Variants in MDGA2 observed in about 807,000 individuals in gnomAD.
MDGA2 encodes MAM domain containing glycosylphosphatidylinositol anchor 2.
A neutral mutation model predicts 117.8 loss-of-function variants in MDGA2; 40 were observed. The ratio of observed to expected loss-of-function variants is 0.34; its 90% CI spans 0.26 to 0.44. MDGA2 has a LOEUF of 0.44. Among genes scored for constraint, MDGA2 ranks in the 20% least tolerant of loss-of-function variants. The pLI is 1.00. For missense variants in MDGA2, 1,123 were observed against 1,250.6 expected, an observed-to-expected ratio of 0.90 and a Z score of 1.54; for synonymous variants, 452 against 439.0, an observed-to-expected ratio of 1.03 and a Z score of -0.37.
At chr14:46,948,831 T>A (rs184676275) in intron 9 of MDGA2, among the ~76,000 whole-genome samples, 2 of 152,124 alleles carry the variant, frequency 1.3e-5, no homozygotes, top group East Asian at 3.9e-4. Context: ...ACTGGCCTCA[T>A]TGGTTCCAGC....
chr14:47,373,313 T>C (rs189777436), intron 1 of MDGA2, among the ~76,000 whole-genome samples: 44 of 152,186 alleles, frequency 2.9e-4, no homozygotes, highest in African/African-American at 9.6e-4. Context: ...TAAAAATATC[T>C]GTGATCCTAG....
intron 1 of MDGA2, among the ~76,000 whole-genome samples, chr14:47,384,440 C>T (rs905569446): frequency 3.3e-5 from 5 of 151,988 alleles, no homozygotes; most frequent in Admixed American, 3.3e-4. Context: ...CAGCAGTTTT[C>T]CAGGATCATT....
intron 7 of MDGA2, among the ~76,000 whole-genome samples, chr14:47,047,763 G>A (rs1196653000): frequency 1.3e-5 from 2 of 151,704 alleles, no homozygotes; most frequent in African/African-American, 4.8e-5. Flanking sequence ...GATGTCTCGA[G>A]TACTGAGGAT....
chr14:47,458,570 C>T (rs1358297992), intron 1 of MDGA2, among the ~76,000 whole-genome samples: 2 of 152,044 alleles, frequency 1.3e-5, no homozygotes, highest in African/African-American at 4.8e-5. Context: ...TGAGTAAGTT[C>T]TGAAGATCTA....
At chr14:47,432,808 A>G (rs1381358258) in intron 1 of MDGA2, among the ~76,000 whole-genome samples, 2 of 152,164 alleles carry the variant, frequency 1.3e-5, no homozygotes, top group African/African-American at 4.8e-5. Flanking sequence ...AGTTTGAAAC[A>G]ATCATCTTTA....
intron 1 of MDGA2, among the ~76,000 whole-genome samples, chr14:47,493,965 G>A (rs1894226503): frequency 2.6e-5 from 4 of 152,186 alleles, no homozygotes; most frequent in Admixed American, 2.0e-4. Context: ...GTTGGAGGAG[G>A]GACCTCGTGA....
intron 1 of MDGA2, among the ~76,000 whole-genome samples, chr14:47,499,487 T>G (rs886565388): frequency 6.6e-6 from 1 of 152,180 alleles, no homozygotes; most frequent in Non-Finnish European, 1.5e-5. Context: ...ACATAAACAC[T>G]GTTATTCCCT....
intron 1 of MDGA2, among the ~76,000 whole-genome samples, chr14:47,650,132 G>A (rs1014569763): frequency 6.6e-6 from 1 of 152,104 alleles, no homozygotes; most frequent in Non-Finnish European, 1.5e-5. Context: ...AAATAAAGGG[G>A]AATTCCTCCT....
At chr14:46,945,291 C>T (rs1885132972) in intron 9 of MDGA2, among the ~76,000 whole-genome samples, 2 of 152,060 alleles carry the variant, frequency 1.3e-5, no homozygotes, top group African/African-American at 2.4e-5. Context: ...TGGTGTTAGT[C>T]TTTGTTAAGG....
chr14:47,089,866 G>A (rs200676728), intron 6 of MDGA2, among the ~76,000 whole-genome samples: 1 of 141,232 alleles, frequency 7.1e-6, no homozygotes, highest in Admixed American at 7.0e-5. Context: ...GAAAAAAAAA[G>A]GGAATAATAA....
At position 47,631,930 on chromosome 14, in the gene MDGA2, GT is replaced by G. The variant is rs60646667; in HGVS notation, c.280+42586del. On this transcript the variant is annotated intron_variant, in intron 1 of 16. Coordinates refer to ENST00000399232, the MANE Select transcript of MDGA2 (RefSeq NM_001113498.3). ...TTAAAACATTACGAGATTTTTTTAA[GT>G]TTTTTTTTTTTTTAGCTCATCCGCT... 1.7e-3 allele frequency among the ~76,000 whole-genome samples: 248 copies of G among 144,996 alleles called. 1 individual carries two copies. Among genetic ancestry groups the G allele is most frequent in the Middle Eastern group, 7.2e-3 (2 of 278 alleles).
At chr14:46,987,893 A>C in intron 8 of MDGA2, among the ~76,000 whole-genome samples, 1 of 144,288 alleles carries the variant, frequency 6.9e-6, no homozygotes, top group Non-Finnish European at 1.5e-5. Context: ...GGAACTATAT[A>C]TGCCAAAAAG....
At chr14:47,284,488 T>C (rs560566587) in intron 2 of MDGA2, among the ~76,000 whole-genome samples, 4 of 152,276 alleles carry the variant, frequency 2.6e-5, no homozygotes, top group South Asian at 2.1e-4. Flanking sequence ...TCCTACTCCA[T>C]AGTAGGTAAG....
At position 46,973,088 on chromosome 14, in the gene MDGA2, G is replaced by A. The variant is rs112567609; in HGVS notation, c.1820-15445C>T. On this transcript the variant is annotated intron_variant, in intron 8 of 16. Coordinates refer to ENST00000399232, the MANE Select transcript of MDGA2 (RefSeq NM_001113498.3). The stretch of plus-strand genomic sequence containing the variant: ...AATACCATGATACGGCTACTAGAAT[G>A]CCCAAAATCTGGAAGACTGACACCA... Among the ~76,000 whole-genome samples, 681 of 152,188 alleles carry A rather than the reference G, an allele frequency of 4.5e-3. 6 individuals are homozygous for A. The highest frequency in any genetic ancestry group is 0.016 in the African/African-American group (649 of 41,534).
intron 1 of MDGA2, among the ~76,000 whole-genome samples, chr14:47,367,654 C>T (rs1891259081): frequency 6.6e-6 from 1 of 152,110 alleles, no homozygotes; most frequent in Admixed American, 6.6e-5. Flanking sequence ...CTTTTTCTTC[C>T]ACAATTTGCC....
chr14:47,458,112 C>T (rs1893399884), intron 1 of MDGA2, among the ~76,000 whole-genome samples: 1 of 151,384 alleles, frequency 6.6e-6, no homozygotes, highest in South Asian at 2.1e-4. Flanking sequence ...TCTATTCAGG[C>T]ACTTTGGCCA....
At position 46,883,890 on chromosome 14, in the gene MDGA2, A is replaced by G. The variant is rs145404824; in HGVS notation, c.2239-1669T>C. On this transcript the variant is annotated intron_variant, in intron 10 of 16. Transcript: ENST00000399232. ...ATATGACAAATACAGTCCTCTTTCT[A>G]TATGTATCTAAACATATAGTATGCA... is the stretch of plus-strand genomic sequence containing the variant. 2.0e-4 allele frequency among the ~76,000 whole-genome samples: 30 copies of G among 152,018 alleles called. No homozygotes were observed. The East Asian group carries it at 5.2e-3, about 27-fold the overall frequency.
Position 46,840,293 on chromosome 14 carries a change from G to T in MDGA2, c.*1638C>A, listed in dbSNP as rs1235. Reference sequence around the variant, plus strand: ...TATATTCCAATTGCTTGCATAATCAGTTTTTTTAATCCTGGGGTGTTGAAA... The same window carrying T: ...TATATTCCAATTGCTTGCATAATCATTTTTTTTAATCCTGGGGTGTTGAAA... On this transcript the variant is annotated 3_prime_UTR_variant, in exon 17 of 17. Coordinates refer to ENST00000399232, the MANE Select transcript of MDGA2 (RefSeq NM_001113498.3). 75,455 of 151,910 alleles carry T rather than the reference G, an allele frequency of 0.5. 19,544 individuals are homozygous for T. The highest frequency in any genetic ancestry group is 0.72 in the East Asian group (3,691 of 5,132). 9.4% of individuals were successfully genotyped at this position (151,910 alleles called of 1,614,324 possible).
chr14:46,936,511 A>G (rs567204933), intron 9 of MDGA2, among the ~76,000 whole-genome samples: 1 of 152,302 alleles, frequency 6.6e-6, no homozygotes, highest in South Asian at 2.1e-4. Context: ...AATAGCATAT[A>G]TAACCAAACA....
Sources: gnomAD v4.1 joint callset for allele counts (sites outside exome capture counted in the v4.1 genomes callset) on GRCh38, gnomAD v4.1.1 for gene constraint, MANE v1.5 for transcripts, NCBI Gene and HGNC (gene_info 2026-07-23, HGNC 2026-07-21) for gene names.